The following ANO4 variants were observed in gnomAD, a reference collection of about 807,000 sequenced individuals.
The protein encoded by ANO4 is anoctamin-4.
Under a neutral mutation model 141.9 loss-of-function variants are expected in ANO4, and 69 were observed. The observed-to-expected ratio is 0.49, with a 90% CI of 0.40 to 0.59. ANO4 has a LOEUF of 0.59. ANO4 is among the 20% of genes least tolerant of loss of function. The probability of loss-of-function intolerance (pLI) is 0.00; values close to 1 mark genes in which losing one functional copy is unlikely to be tolerated. For missense variants in ANO4, 894 were observed against 1,162.2 expected (o/e 0.77, Z 3.36); for synonymous variants, 350 against 394.3 (o/e 0.89, Z 1.33).
intron 1 of ANO4, among the ~76,000 whole-genome samples, chr12:100,890,159 A>G (rs2040034107): frequency 6.6e-6 from 1 of 152,130 alleles, no homozygotes; most frequent in Non-Finnish European, 1.5e-5. Context: ...AGCCCTTATT[A>G]TGAATATTTG....
intron 26 of ANO4, 61 bp from the exon 27 acceptor site, chr12:101,126,816 ACT>A: frequency 6.8e-7 from 1 of 1,480,466 alleles, no homozygotes; most frequent in African/African-American, 1.4e-5. Flanking sequence ...TCTTCAGCCA[ACT>A]CTCTAACCTC....
chr12:101,051,440 C>T (rs1023567236), intron 14 of ANO4, among the ~76,000 whole-genome samples: 4 of 152,166 alleles, frequency 2.6e-5, no homozygotes, highest in Non-Finnish European at 5.9e-5. Context: ...TCTTAGATGA[C>T]AACTTATTGC....
chr12:100,806,733 C>T lies in ANO4; in HGVS notation c.-141+11706C>T, dbSNP rs181747816. ...CTAATTTTTGTATTTTTAGTAGAGA[C>T]GGGGTTTCACCATGTTGGTCAGGCT... On this transcript the variant is annotated intron_variant, in intron 1 of 27. Transcript: ENST00000392977. Among the ~76,000 whole-genome samples, 31 of 151,190 alleles carry T rather than the reference C, an allele frequency of 2.1e-4. No individual in the cohort carries two copies. The East Asian group carries it at 3.9e-3, about 19-fold the overall frequency.
rs1464282829 is a variant in ANO4, at chr12:100,721,164, A to G, written c.22+3617A>G. ...TCTTTGTGTTAGCATCACAAACTCA[A>G]TGTGTCCAAAACAACCCCCATCTTC... On this transcript the variant is annotated intron_variant, in intron 1 of 29. Coordinates refer to the ANO4 transcript ENST00000644049. Among the ~76,000 whole-genome samples the G allele has an allele frequency of 9.9e-5, 15 of 151,410 alleles. No homozygotes were observed. In the South Asian group the frequency reaches 3.2e-3, roughly 32 times the overall value.
intron 14 of ANO4, among the ~76,000 whole-genome samples, chr12:101,054,632 T>C (rs987611114): frequency 7.9e-5 from 12 of 152,198 alleles, no homozygotes; most frequent in Non-Finnish European, 1.8e-4. Flanking sequence ...CTCGAGTAGC[T>C]GGGATTACAG....
intron 3 of ANO4, among the ~76,000 whole-genome samples, chr12:100,749,804 A>G (rs2032289225): frequency 6.6e-6 from 1 of 152,108 alleles, no homozygotes; most frequent in Admixed American, 6.6e-5. Flanking sequence ...AGTCATCTAA[A>G]CTCTTGCTAC....
At chr12:101,048,728 T>C (rs1169597282) in intron 14 of ANO4, among the ~76,000 whole-genome samples, 1 of 152,190 alleles carries the variant, frequency 6.6e-6, no homozygotes, top group Non-Finnish European at 1.5e-5. Flanking sequence ...TCTCAGTATA[T>C]ATAGGACTTT....
intron 3 of ANO4, among the ~76,000 whole-genome samples, chr12:100,925,831 A>C (rs1219359358): frequency 6.9e-6 from 1 of 144,348 alleles, no homozygotes; most frequent in Non-Finnish European, 1.5e-5. Flanking sequence ...ATACATATAT[A>C]TACATACATA....
rs774012800 is a variant in ANO4 at position 100,987,573 on chromosome 12, T to C, written c.637T>C (p.Leu213=). ...DKQISRFRRW[L]PKKPMRLDKE... is the part of the protein sequence containing the mutation. ...ACAAATAAGCAGGTTTCGGAGATGG[T>C]TACCTAAGAAGCCAATGAGGCTGGA... Residue 213 remains leucine, a synonymous_variant, in exon 8 of 28, where the codon TTA becomes CTA. Coordinates refer to ENST00000392977, the MANE Select transcript of ANO4 (RefSeq NM_001286615.2). 3.1e-6 allele frequency: 5 copies of C among 1,613,844 alleles called. No homozygotes were observed. The highest frequency in any genetic ancestry group is 4.2e-6 in the Non-Finnish European group (5 of 1,179,956).
chr12:101,110,646 T>G (rs2050627544), intron 23 of ANO4, 90 bp downstream of exon 23: 3 of 1,183,964 alleles, frequency 2.5e-6, no homozygotes, highest in Middle Eastern at 2.9e-4. Flanking sequence ...TTTTTAATTA[T>G]GTTTTCCATT....
chr12:100,894,612 T>C (rs2040255496), intron 1 of ANO4, among the ~76,000 whole-genome samples: 1 of 152,176 alleles, frequency 6.6e-6, no homozygotes, highest in Non-Finnish European at 1.5e-5. Flanking sequence ...CCTACGTGTT[T>C]GAGCTTTTTC....
At chr12:100,805,055 G>C (rs1268281556) in intron 1 of ANO4, among the ~76,000 whole-genome samples, 1 of 152,132 alleles carries the variant, frequency 6.6e-6, no homozygotes, top group Non-Finnish European at 1.5e-5. Flanking sequence ...TATTGCCTAG[G>C]TTTTCTTCTA....
chr12:100,806,453 A>G (rs1378296762), intron 1 of ANO4, among the ~76,000 whole-genome samples: 2 of 143,630 alleles, frequency 1.4e-5, no homozygotes, highest in African/African-American at 5.1e-5. Flanking sequence ...CTCTTTGTTC[A>G]TGCCCTTTGC....
intron 22 of ANO4, among the ~76,000 whole-genome samples, chr12:101,109,649 T>C (rs977005165): frequency 2.6e-5 from 4 of 152,174 alleles, no homozygotes; most frequent in African/African-American, 7.2e-5. Context: ...GTAAAAGTTA[T>C]GTGAGGAGAT....
chr12:101,009,932 C>T (rs1467543243), intron 8 of ANO4, among the ~76,000 whole-genome samples: 1 of 152,028 alleles, frequency 6.6e-6, no homozygotes. Flanking sequence ...TGGGAGAATT[C>T]TTCAAGTTAT....
chr12:101,095,488 CT>C (rs1207096582), intron 18 of ANO4, among the ~76,000 whole-genome samples: 9 of 152,176 alleles, frequency 5.9e-5, no homozygotes, highest in Non-Finnish European at 1.0e-4. Flanking sequence ...AAGTGAAACC[CT>C]TTAAGAAAAC....
rs569750958 is a variant in ANO4, at chr12:100,900,640, A to G, written c.-140-1006A>G. Among the ~76,000 whole-genome samples, 10 of 152,330 alleles carry G rather than the reference A, an allele frequency of 6.6e-5. No individual in the cohort carries two copies. In the East Asian group the frequency reaches 1.5e-3, roughly 23 times the overall value. On this transcript the variant is annotated intron_variant, in intron 1 of 27. Coordinates refer to ENST00000392977, the MANE Select transcript of ANO4 (RefSeq NM_001286615.2). ...GAATACTATGCAGCCATAAAAAAGG[A>G]TGAGTTCATGTCCTTTATAGGGACA...
At chr12:100,912,539 A>T (rs889362000) in intron 2 of ANO4, among the ~76,000 whole-genome samples, 12 of 152,032 alleles carry the variant, frequency 7.9e-5, no homozygotes, top group Non-Finnish European at 1.8e-4. Context: ...GTCTCAAAAA[A>T]AAAACAAAAA....
At chr12:101,059,521 T>C (rs930038942) in intron 14 of ANO4, among the ~76,000 whole-genome samples, 1 of 152,232 alleles carries the variant, frequency 6.6e-6, no homozygotes, top group Admixed American at 6.5e-5. Context: ...GGCTATTAAT[T>C]ACTGCCTCAA....
Sources: allele counts gnomAD v4.1 joint callset (sites outside exome capture counted in the v4.1 genomes callset), GRCh38; gene constraint gnomAD v4.1.1; transcripts MANE v1.5; gene names NCBI Gene and HGNC (gene_info 2026-07-23, HGNC 2026-07-21).